The following ZNF251 variants were observed in gnomAD, a reference collection of about 807,000 sequenced individuals.
The protein encoded by ZNF251 is zinc finger protein 251.
Under a neutral mutation model 13.5 loss-of-function variants are expected in ZNF251, and 14 were observed. That is an observed-to-expected ratio of 1.04 (90% CI 0.69 to 1.63). ZNF251 has a LOEUF of 1.63. ZNF251 is among the 40% of genes most tolerant of loss of function. The pLI, the probability that ZNF251 is intolerant of heterozygous loss-of-function variation, is 0.00. For missense variants in ZNF251, 764 were observed against 834.9 expected, an observed-to-expected ratio of 0.92 and a Z score of 1.05; for synonymous variants, 287 against 295.2, an observed-to-expected ratio of 0.97 and a Z score of 0.28.
intron 4 of ZNF251, chr8:144,730,055 T>C (rs1823648308): frequency 1.0e-6 from 1 of 985,344 alleles, no homozygotes; most frequent in African/African-American, 1.7e-5. Context: ...TCACTCACTG[T>C]GCAGCTGTAT....
chr8:144,736,004 G>A (rs2129977574), intron 4 of ZNF251, among the ~76,000 whole-genome samples: 1 of 152,280 alleles, frequency 6.6e-6, no homozygotes, highest in East Asian at 1.9e-4. Flanking sequence ...TTTTCCCTGA[G>A]CACCTGGAAA....
chr8:144,752,212 A>G (rs1464768266), intron 4 of ZNF251, among the ~76,000 whole-genome samples: 3 of 151,878 alleles, frequency 2.0e-5, no homozygotes, highest in Admixed American at 2.0e-4. Flanking sequence ...GACTTAACTG[A>G]TATTTATCTA....
intron 4 of ZNF251, among the ~76,000 whole-genome samples, chr8:144,728,771 GGTC>G (rs1823597131): frequency 6.6e-6 from 1 of 151,630 alleles, no homozygotes; most frequent in Admixed American, 6.6e-5. Context: ...CTCAACACAA[GGTC>G]GTCACAAACC....
intron 4 of ZNF251, among the ~76,000 whole-genome samples, chr8:144,752,346 T>C (rs4344117): frequency 0.36 from 54,821 of 152,032 alleles, 11,175 homozygotes; most frequent in South Asian, 0.48. Context: ...ATACAGAGTA[T>C]GTTCTCTGAC....
intron 4 of ZNF251, among the ~76,000 whole-genome samples, chr8:144,734,000 C>A (rs955130004): frequency 4.6e-5 from 7 of 152,222 alleles, no homozygotes; most frequent in African/African-American, 1.7e-4. Context: ...TGTTCCGCAG[C>A]CGGCAGAATC....
chr8:144,744,450 A>G (rs1405395518), intron 4 of ZNF251, among the ~76,000 whole-genome samples: 1 of 152,004 alleles, frequency 6.6e-6, no homozygotes, highest in Non-Finnish European at 1.5e-5. Context: ...TGTGGTTTAC[A>G]TTTAGATGTA....
chr8:144,735,805 G>A (rs1271957040), intron 4 of ZNF251, among the ~76,000 whole-genome samples: 1 of 152,132 alleles, frequency 6.6e-6, no homozygotes, highest in Non-Finnish European at 1.5e-5. Flanking sequence ...TGCCACTGCC[G>A]GGGTACCATG....
intron 1 of ZNF251, 144 bp from the exon 2 acceptor site, chr8:144,754,947 T>G (rs2130126603): frequency 7.1e-7 from 1 of 1,412,718 alleles, no homozygotes; most frequent in Non-Finnish European, 9.2e-7. Context: ...GCCCTACTGC[T>G]CAGTGACTCC....
chr8:144,735,924 C>T (rs2129977150), intron 4 of ZNF251, among the ~76,000 whole-genome samples: 1 of 152,330 alleles, frequency 6.6e-6, no homozygotes, highest in South Asian at 2.1e-4. Context: ...CGGCAGTCGC[C>T]TGCTGAGGGC....
chr8:144,754,775 G>T lies in ZNF251; in HGVS notation c.-47C>A, dbSNP rs758984143. 6.2e-7 allele frequency: 1 copy of T among 1,602,252 alleles called. No homozygotes were observed. Among genetic ancestry groups the T allele is most frequent in the African/African-American group, 1.3e-5 (1 of 74,764 alleles). ...GGTTTCCAAGAGAAGACAGGAGACT[G>T]CCCTGGCCTGAAGTCTCCCCGAACT... On this transcript the variant is annotated 5_prime_UTR_variant, in exon 2 of 5. Transcript: ENST00000292562.
intron 4 of ZNF251, among the ~76,000 whole-genome samples, chr8:144,726,458 AC>A (rs1823520227): frequency 6.6e-6 from 1 of 150,422 alleles, no homozygotes; most frequent in South Asian, 2.1e-4. Flanking sequence ...AATTGCTTGA[AC>A]CAGGAGATGG....
At chr8:144,742,421 G>A (rs996250849) in intron 4 of ZNF251, among the ~76,000 whole-genome samples, 1 of 151,960 alleles carries the variant, frequency 6.6e-6, no homozygotes, top group Non-Finnish European at 1.5e-5. Flanking sequence ...TTTATTTTTA[G>A]AGCATTTCAC....
intron 2 of ZNF251, 154 bp from the exon 3 acceptor site, chr8:144,754,475 G>A: frequency 1.2e-5 from 18 of 1,444,754 alleles, no homozygotes; most frequent in South Asian, 1.5e-5. Flanking sequence ...AGCTGAGAGC[G>A]CTGAGGACCA....
At chr8:144,744,500 C>T (rs2130042222) in intron 4 of ZNF251, among the ~76,000 whole-genome samples, 1 of 152,198 alleles carries the variant, frequency 6.6e-6, no homozygotes, top group East Asian at 1.9e-4. Context: ...TCCTGCTCAC[C>T]CCAAATTCAC....
In ZNF251 at chr8:144,723,153, G is replaced by A. The variant is rs775429805; in HGVS notation, c.507C>T (p.Thr169=). The stretch of plus-strand genomic sequence containing the variant: ...CTCCCAAAGATCTTTCCCTGCCCAC[G>A]GTAGCTTCTGTTAAAACTCTCTTGT... ...NIHKRVLTEA[T]VGRERSLGER... Residue 169 remains threonine (T), a synonymous_variant, in exon 5 of 5, where the codon ACC becomes ACT. Transcript: ENST00000292562. 6.2e-6 allele frequency: 10 copies of A among 1,612,762 alleles called. No homozygotes were observed. The highest frequency in any genetic ancestry group is 3.3e-5 in the South Asian group (3 of 91,020).
At chr8:144,752,842 A>G (rs1015653504) in intron 4 of ZNF251, among the ~76,000 whole-genome samples, 1 of 152,220 alleles carries the variant, frequency 6.6e-6, no homozygotes, top group Non-Finnish European at 1.5e-5. Context: ...ACCAACAAAA[A>G]CTGGGAAAGG....
In ZNF251 at chr8:144,721,414, CCA is replaced by C. The variant is rs1823369045; in HGVS notation, c.*228_*229del. ...TCGTCATGAGTATCCGGATACAGCA[CCA>C]CACGGTTCAACTCCTGAGCACAGCA... is the stretch of plus-strand genomic sequence containing the variant. On this transcript the variant is annotated 3_prime_UTR_variant, in exon 5 of 5. Transcript: ENST00000292562. 2.3e-6 allele frequency: 1 copy of C among 436,778 alleles called. No individual in the cohort carries two copies. The allele number at this position is 436,778 out of a possible 1,614,324, so 27.1% of individuals were successfully genotyped here.
At chr8:144,742,638 A>T (rs1824218219) in intron 4 of ZNF251, among the ~76,000 whole-genome samples, 1 of 152,034 alleles carries the variant, frequency 6.6e-6, no homozygotes, top group Non-Finnish European at 1.5e-5. Context: ...TACTGTACAG[A>T]CTAGTGTCAC....
rs1415745622 is a variant in ZNF251 at position 144,721,401 on chromosome 8, T to A, written c.*243A>T. On this transcript the variant is annotated 3_prime_UTR_variant, in exon 5 of 5. Transcript: ENST00000292562. ...GCCCTCCATCCATTCGTCATGAGTA[T>A]CCGGATACAGCACCACACGGTTCAA... The A allele has an allele frequency of 2.4e-6, 1 of 419,654 alleles. No homozygotes were observed. Among genetic ancestry groups the A allele is most frequent in the Non-Finnish European group, 4.1e-6 (1 of 246,164 alleles). The allele number at this position is 419,654 out of a possible 1,614,324, so 26.0% of individuals were successfully genotyped here.
Sources: gnomAD v4.1 joint callset for allele counts (sites outside exome capture counted in the v4.1 genomes callset) on GRCh38, gnomAD v4.1.1 for gene constraint, MANE v1.5 for transcripts, NCBI Gene and HGNC (gene_info 2026-07-23, HGNC 2026-07-21) for gene names.